The following CTNND2 variants were observed in gnomAD, a reference collection of about 807,000 sequenced individuals.
CTNND2 encodes the protein catenin delta-2.
Under a neutral mutation model 144.4 loss-of-function variants are expected in CTNND2, and 22 were observed. That is an observed-to-expected ratio of 0.15 (90% CI 0.11 to 0.22). The LOEUF (loss-of-function observed/expected upper bound fraction) is 0.22, where lower values mean the gene tolerates loss of function less well. Among genes scored for constraint, CTNND2 ranks in the 10% least tolerant of loss-of-function variants. CTNND2 has a pLI of 1.00. For missense variants in CTNND2, 1,353 were observed against 1,618.8 expected, an observed-to-expected ratio of 0.84 and a Z score of 2.82; for synonymous variants, 751 against 695.6, an observed-to-expected ratio of 1.08 and a Z score of -1.25.
rs973884904 is a variant in CTNND2 at position 11,112,515 on chromosome 5, C to T, written c.2278-1472G>A. Among the ~76,000 whole-genome samples the T allele has an allele frequency of 4.6e-5, 7 of 152,346 alleles. No homozygotes were observed. The South Asian group carries it at 1.5e-3, about 32-fold the overall frequency. On this transcript the variant is annotated intron_variant, in intron 13 of 21. Coordinates refer to ENST00000304623, the MANE Select transcript of CTNND2 (RefSeq NM_001332.4). ...AATTTTATCCCAGTGAGACCCACTT[C>T]AGACTGCTGGTCTCTAGAGCTATAA... is the stretch of plus-strand genomic sequence containing the variant.
At chr5:11,781,145 C>T (rs1790521864) in intron 1 of CTNND2, among the ~76,000 whole-genome samples, 1 of 152,070 alleles carries the variant, frequency 6.6e-6, no homozygotes, top group Non-Finnish European at 1.5e-5. Context: ...CTGCCAGTCA[C>T]TAGGGGTTTG....
At chr5:11,506,916 G>A (rs569232939) in intron 3 of CTNND2, among the ~76,000 whole-genome samples, 1 of 152,310 alleles carries the variant, frequency 6.6e-6, no homozygotes, top group African/African-American at 2.4e-5. Context: ...CTTTAGCGAT[G>A]CGACTGGTAA....
At chr5:11,218,844 T>A (rs1291910378) in intron 10 of CTNND2, among the ~76,000 whole-genome samples, 3 of 152,190 alleles carry the variant, frequency 2.0e-5, no homozygotes, top group East Asian at 3.9e-4. Context: ...AAAATCCATC[T>A]TGTTTTCGTT....
chr5:11,900,722 C>T (rs1292323417), intron 1 of CTNND2, among the ~76,000 whole-genome samples: 1 of 152,160 alleles, frequency 6.6e-6, no homozygotes, highest in African/African-American at 2.4e-5. Flanking sequence ...ATCATGGAAG[C>T]CAACAATGAA....
chr5:11,529,282 G>A (rs1773532128), intron 3 of CTNND2, among the ~76,000 whole-genome samples: 1 of 152,160 alleles, frequency 6.6e-6, no homozygotes, highest in Non-Finnish European at 1.5e-5. Flanking sequence ...AGCAAAAACA[G>A]AGATATTGTG....
intron 3 of CTNND2, among the ~76,000 whole-genome samples, chr5:11,432,946 T>C (rs1452431328): frequency 1.3e-5 from 2 of 152,196 alleles, no homozygotes; most frequent in African/African-American, 4.8e-5. Context: ...CACCAATCTA[T>C]GTTAAAATTA....
rs944208173 is a variant in CTNND2, at chr5:11,081,098, ACACACACACT to A, written c.2788+1588_2788+1597del. Among the ~76,000 whole-genome samples, 6 of 151,038 alleles carry A rather than the reference ACACACACACT, an allele frequency of 4.0e-5. No homozygotes were observed. The South Asian group carries it at 6.3e-4, about 16-fold the overall frequency. On this transcript the variant is annotated intron_variant, in intron 16 of 21. Coordinates refer to ENST00000304623, the MANE Select transcript of CTNND2 (RefSeq NM_001332.4). ...CACACACACACACACACACACACACACACACACACTCACACACACACACAAACATGCTTTG... is the reference window on the plus strand; with the variant it reads ...CACACACACACACACACACACACACACACACACACACACAAACATGCTTTG...
chr5:11,043,464 C>T lies in CTNND2; in HGVS notation c.2789-20485G>A, dbSNP rs1264539074. ...TTTAAAACTTTGGTAGTTGTATTTGCGCTATACTAAAAAAAATCAGTAACT... is the reference window on the plus strand; with the variant it reads ...TTTAAAACTTTGGTAGTTGTATTTGTGCTATACTAAAAAAAATCAGTAACT... On this transcript the variant is annotated intron_variant, in intron 16 of 21. Coordinates refer to ENST00000304623, the MANE Select transcript of CTNND2 (RefSeq NM_001332.4). 4.6e-5 allele frequency among the ~76,000 whole-genome samples: 7 copies of T among 151,686 alleles called. No individual in the cohort carries two copies. In the East Asian group the frequency reaches 5.8e-4, roughly 13 times the overall value.
At chr5:11,160,576 CTTTT>C (rs1170663540) in intron 11 of CTNND2, among the ~76,000 whole-genome samples, 1 of 151,940 alleles carries the variant, frequency 6.6e-6, no homozygotes, top group South Asian at 2.1e-4. Flanking sequence ...AATAATTATT[CTTTT>C]TTTGTTAGGA....
At chr5:11,205,051 C>T (rs1384278469) in intron 10 of CTNND2, among the ~76,000 whole-genome samples, 1 of 152,272 alleles carries the variant, frequency 6.6e-6, no homozygotes, top group East Asian at 1.9e-4. Flanking sequence ...TGCTATTCCT[C>T]TCAGGAATCT....
At chr5:11,020,806 A>G (rs16901205) in intron 17 of CTNND2, among the ~76,000 whole-genome samples, 22,782 of 151,000 alleles carry the variant, frequency 0.15, 1,955 homozygotes, top group Admixed American at 0.27. Context: ...GTAACCAGGA[A>G]GATGCTTGAT....
At chr5:11,444,886 G>A (rs77867159) in intron 3 of CTNND2, among the ~76,000 whole-genome samples, 2,388 of 152,208 alleles carry the variant, frequency 0.016, 60 homozygotes, top group African/African-American at 0.054. Context: ...CTGGATTGGG[G>A]TATGTGATCA....
intron 12 of CTNND2, among the ~76,000 whole-genome samples, chr5:11,119,013 A>AT (rs1753825494): frequency 1.3e-5 from 2 of 151,912 alleles, no homozygotes; most frequent in Non-Finnish European, 2.9e-5. Context: ...ATCACCATTG[A>AT]TTTTGTATTG....
At chr5:11,790,130 A>G (rs1465092203) in intron 1 of CTNND2, among the ~76,000 whole-genome samples, 5 of 152,184 alleles carry the variant, frequency 3.3e-5, no homozygotes, top group Non-Finnish European at 7.3e-5. Context: ...TGGACCTATC[A>G]TTTCATTTAC....
chr5:11,528,165 T>C (rs1288436524), intron 3 of CTNND2, among the ~76,000 whole-genome samples: 10 of 152,176 alleles, frequency 6.6e-5, no homozygotes, highest in Non-Finnish European at 1.2e-4. Flanking sequence ...AATGAACATA[T>C]TGTTACTACT....
intron 3 of CTNND2, among the ~76,000 whole-genome samples, chr5:11,489,697 T>C (rs1282526408): frequency 6.6e-6 from 1 of 152,150 alleles, no homozygotes; most frequent in Admixed American, 6.5e-5. Context: ...CCACATAACA[T>C]TTACATTCAC....
intron 3 of CTNND2, among the ~76,000 whole-genome samples, chr5:11,420,376 C>CA (rs1341023400): frequency 6.6e-6 from 1 of 152,082 alleles, no homozygotes; most frequent in Admixed American, 6.6e-5. Flanking sequence ...CCTATAGGAA[C>CA]AAAGACCTTT....
chr5:11,129,058 T>TATAA (rs1755138608), intron 12 of CTNND2, among the ~76,000 whole-genome samples: 4 of 29,478 alleles, frequency 1.4e-4, no homozygotes, highest in Non-Finnish European at 3.1e-4. Context: ...ATAAATAAAA[T>TATAA]ATATATTTTA....
chr5:11,044,254 C>T (rs949853052), intron 16 of CTNND2, among the ~76,000 whole-genome samples: 1 of 152,118 alleles, frequency 6.6e-6, no homozygotes, highest in Non-Finnish European at 1.5e-5. Flanking sequence ...CTGTCAAGCC[C>T]GTTTGGCATG....
Sources: allele counts gnomAD v4.1 joint callset (sites outside exome capture counted in the v4.1 genomes callset), GRCh38; gene constraint gnomAD v4.1.1; transcripts MANE v1.5; gene names NCBI Gene and HGNC (gene_info 2026-07-23, HGNC 2026-07-21).